The following VAMP7 variants were observed in gnomAD, a reference collection of about 807,000 sequenced individuals.
VAMP7 encodes vesicle associated membrane protein 7, also known as vesicle-associated membrane protein 7.
Under a neutral mutation model 29.6 loss-of-function variants are expected in VAMP7, and 14 were observed. The ratio of observed to expected loss-of-function variants is 0.47; its 90% CI spans 0.31 to 0.74. VAMP7 has a LOEUF of 0.74. VAMP7 is among the 30% of genes least tolerant of loss of function. The pLI, the probability that VAMP7 is intolerant of heterozygous loss-of-function variation, is 0.05. For synonymous variants in VAMP7, 95 were observed against 88.1 expected (o/e 1.08, Z -0.44); for missense variants, 223 against 262.4 (o/e 0.85, Z 1.04).
intron 5 of VAMP7, among the ~76,000 whole-genome samples, chrX:155,916,568 C>T (rs2066317171): frequency 6.6e-6 from 1 of 152,164 alleles, no homozygotes; most frequent in South Asian, 2.1e-4. Context: ...CAAAATCTCT[C>T]AGCATTTGCA....
chrX:155,892,871 G>C (rs1050636611), intron 2 of VAMP7, among the ~76,000 whole-genome samples: 2 of 151,974 alleles, frequency 1.3e-5, no homozygotes, highest in African/African-American at 4.8e-5. Context: ...TCCTGCCTCA[G>C]CCTCCCGAGT....
chrX:155,894,927 C>T (rs1300307110), intron 2 of VAMP7, among the ~76,000 whole-genome samples: 2 of 152,184 alleles, frequency 1.3e-5, no homozygotes, highest in African/African-American at 4.8e-5. Context: ...GCCTTTCGCT[C>T]ACTCTTTACC....
intron 6 of VAMP7, among the ~76,000 whole-genome samples, chrX:155,926,028 A>G (rs2066462113): frequency 6.6e-6 from 1 of 152,156 alleles, no homozygotes; most frequent in Non-Finnish European, 1.5e-5. Context: ...TCTGTACACC[A>G]TCCTGTAAAC....
At position 155,895,653 on chromosome X, in the gene VAMP7, G is replaced by C. The variant is rs2065977612; in HGVS notation, c.177G>C (p.Arg59Ser). The C allele has an allele frequency of 6.2e-7, 1 of 1,610,596 alleles. No homozygotes were observed. Among genetic ancestry groups the C allele is most frequent in the Non-Finnish European group, 8.5e-7 (1 of 1,177,130 alleles). ...TGTTTCATTACATCTGCCAAGACAG[G>C]ATTGTATATCTTTGTATCACTGATG... ...NYLFHYICQD[R>S]IVYLCITDDD... is the part of the protein sequence containing the mutation. The change falls in exon 3 of 8, where the codon AGG becomes AGC. Residue 59 changes from arginine (R) to serine (S), a missense_variant. Transcript: ENST00000286448.
At chrX:155,903,208 T>G (rs1255241436) in intron 5 of VAMP7, among the ~76,000 whole-genome samples, 2 of 152,096 alleles carry the variant, frequency 1.3e-5, no homozygotes, top group African/African-American at 4.8e-5. Context: ...GTGGGATCGG[T>G]GGTGATATCC....
In VAMP7 at chrX:155,894,301, G is replaced by GTT. The variant is rs1195549080; in HGVS notation, c.147-1301_147-1300dup. Among the ~76,000 whole-genome samples, 160 of 64,896 alleles carry GTT rather than the reference G, an allele frequency of 2.5e-3. 1 individual carries two copies. The highest frequency in any genetic ancestry group is 4.7e-3 in the African/African-American group (82 of 17,634). 42.6% of individuals were successfully genotyped at this position (64,896 alleles called of 152,430 possible). ...CCGCACTCTAGCCAATGTGTCCTTT[G>GTT]TTTTTTTTTTTTTTTTTTTTTTAAT... is the stretch of plus-strand genomic sequence containing the variant. On this transcript the variant is annotated intron_variant, in intron 2 of 7. Coordinates refer to ENST00000286448, the MANE Select transcript of VAMP7 (RefSeq NM_005638.6).
intron 6 of VAMP7, among the ~76,000 whole-genome samples, chrX:155,935,220 G>C (rs2066631115): frequency 6.6e-6 from 1 of 152,010 alleles, no homozygotes; most frequent in Admixed American, 6.6e-5. Flanking sequence ...GGCGTTCTCT[G>C]TATTTCCTGA....
chrX:155,889,640 G>C (rs1357148064), intron 2 of VAMP7, 28 bp downstream of exon 2: 2 of 1,611,466 alleles, frequency 1.2e-6, no homozygotes, highest in Admixed American at 3.3e-5. Context: ...TGTGGTAAGG[G>C]ATGAAAGAAG....
At chrX:155,921,761 CTTG>C (rs2066399130) in intron 6 of VAMP7, among the ~76,000 whole-genome samples, 1 of 151,948 alleles carries the variant, frequency 6.6e-6, no homozygotes, top group Non-Finnish European at 1.5e-5. Flanking sequence ...CAACTATATT[CTTG>C]TTGTCCAATA....
At chrX:155,914,510 GTTC>G (rs2066283292) in intron 5 of VAMP7, among the ~76,000 whole-genome samples, 1 of 152,080 alleles carries the variant, frequency 6.6e-6, no homozygotes, top group South Asian at 2.1e-4. Context: ...GTCATAAATA[GTTC>G]TTATTATTTT....
chrX:155,912,607 G>GCA (rs1411211975), intron 5 of VAMP7, among the ~76,000 whole-genome samples: 1 of 151,800 alleles, frequency 6.6e-6, no homozygotes, highest in African/African-American at 2.4e-5. Context: ...GAGAACACGT[G>GCA]GTGTTTGGTT....
At chrX:155,906,831 G>A (rs751880079) in intron 5 of VAMP7, among the ~76,000 whole-genome samples, 35 of 152,226 alleles carry the variant, frequency 2.3e-4, no homozygotes, top group African/African-American at 8.4e-4. Context: ...GCCCTAGCTA[G>A]AACCTCCAGT....
chrX:155,889,744 C>T (rs1289337047), intron 2 of VAMP7, 132 bp downstream of exon 2: 1 of 981,090 alleles, frequency 1.0e-6, no homozygotes, highest in Non-Finnish European at 1.4e-6. Context: ...TAACCTTCAC[C>T]AACTTAGAAA....
chrX:155,920,781 AAC>A (rs2066383787), intron 6 of VAMP7, among the ~76,000 whole-genome samples: 1 of 152,208 alleles, frequency 6.6e-6, no homozygotes, highest in African/African-American at 2.4e-5. Context: ...TAAAGTGCCT[AAC>A]ACAGTATTTG....
intron 5 of VAMP7, among the ~76,000 whole-genome samples, chrX:155,916,947 A>G (rs968744878): frequency 2.6e-5 from 4 of 152,126 alleles, no homozygotes; most frequent in Admixed American, 1.3e-4. Context: ...ATCCTAAAGA[A>G]TGTTTTCCAA....
chrX:155,920,486 C>T (rs1461890528), intron 6 of VAMP7, among the ~76,000 whole-genome samples: 2 of 152,172 alleles, frequency 1.3e-5, no homozygotes, highest in Non-Finnish European at 2.9e-5. Context: ...AGATCAGCTA[C>T]AATTTGGGTC....
chrX:155,924,781 C>T (rs1477509329), intron 6 of VAMP7, among the ~76,000 whole-genome samples: 1 of 152,156 alleles, frequency 6.6e-6, no homozygotes, highest in Non-Finnish European at 1.5e-5. Flanking sequence ...TTGATTGACT[C>T]TTTCACAAAA....
chrX:155,926,470 C>T (rs181956598), intron 6 of VAMP7, among the ~76,000 whole-genome samples: 1 of 152,182 alleles, frequency 6.6e-6, no homozygotes, highest in Non-Finnish European at 1.5e-5. Flanking sequence ...TTCTTCTGCA[C>T]CTTCCTCGCC....
chrX:155,891,440 G>A (rs1307607558), intron 2 of VAMP7, among the ~76,000 whole-genome samples: 1 of 152,062 alleles, frequency 6.6e-6, no homozygotes, highest in African/African-American at 2.4e-5. Flanking sequence ...ATCAGGCCCT[G>A]GTGTGGCTCC....
Sources: allele counts gnomAD v4.1 joint callset (sites outside exome capture counted in the v4.1 genomes callset), GRCh38; gene constraint gnomAD v4.1.1; transcripts MANE v1.5; gene names NCBI Gene and HGNC (gene_info 2026-07-23, HGNC 2026-07-21).